The following IL7 variants were observed in gnomAD, a reference collection of about 807,000 sequenced individuals.
IL7 encodes interleukin 7, also known as interleukin-7.
In IL7, 3 loss-of-function variants were observed where a neutral mutation model predicts 21.6. The ratio of observed to expected loss-of-function variants is 0.14; its 90% CI spans 0.06 to 0.36. The LOEUF (loss-of-function observed/expected upper bound fraction) is 0.36. Ranked by LOEUF, IL7 falls within the 10% of genes least tolerant of loss-of-function variation. The pLI is 1.00. For missense variants in IL7, 175 were observed against 200.2 expected (o/e 0.87, Z 0.76); for synonymous variants, 62 against 68.1 (o/e 0.91, Z 0.44).
At chr8:78,687,564 T>C (rs977220109) in intron 3 of IL7, among the ~76,000 whole-genome samples, 5 of 142,948 alleles carry the variant, frequency 3.5e-5, no homozygotes, top group African/African-American at 1.3e-4. Flanking sequence ...ATTTACATAA[T>C]AAATTATATA....
downstream of IL7, among the ~76,000 whole-genome samples, chr8:78,731,352 T>C (rs1222971262): frequency 6.6e-6 from 1 of 152,002 alleles, no homozygotes; most frequent in African/African-American, 2.4e-5. Flanking sequence ...TCGTGTTAGG[T>C]TAGGGATTTT....
intron 1 of IL7, among the ~76,000 whole-genome samples, chr8:78,802,547 C>T (rs1814105265): frequency 6.6e-6 from 1 of 151,930 alleles, no homozygotes; most frequent in Non-Finnish European, 1.5e-5. Context: ...TCTCCTCCCT[C>T]AGCCTCCTGA....
chr8:78,722,027 G>T (rs987535467), intron 3 of IL7, among the ~76,000 whole-genome samples: 8 of 151,816 alleles, frequency 5.3e-5, no homozygotes, highest in African/African-American at 1.7e-4. Flanking sequence ...ACATAAAAAA[G>T]TGCAAAGACA....
chr8:78,697,498 C>T, intron 3 of IL7: 1 of 1,606,884 alleles, frequency 6.2e-7, no homozygotes, highest in African/African-American at 1.3e-5. Flanking sequence ...GCTGGCAAAA[C>T]TGTTGTAGGT....
chr8:78,714,363 T>C (rs1811034837), downstream of IL7, among the ~76,000 whole-genome samples: 1 of 152,198 alleles, frequency 6.6e-6, no homozygotes, highest in East Asian at 1.9e-4. Context: ...GAGTAAGCAC[T>C]ATTATATAAA....
chr8:78,757,449 C>G (rs1417065375), intron 2 of IL7, among the ~76,000 whole-genome samples: 1 of 151,978 alleles, frequency 6.6e-6, no homozygotes, highest in African/African-American at 2.4e-5. Context: ...TGTTGATTTT[C>G]TCTCTAGATG....
intron 2 of IL7, among the ~76,000 whole-genome samples, chr8:78,767,067 A>C (rs1210793263): frequency 6.6e-6 from 1 of 152,118 alleles, no homozygotes; most frequent in African/African-American, 2.4e-5. Flanking sequence ...AACAATTTGC[A>C]TCTTCTTTTC....
At chr8:78,762,268 T>C (rs1381218752) in intron 2 of IL7, 1 of 1,579,838 alleles carries the variant, frequency 6.3e-7, no homozygotes, top group Non-Finnish European at 8.7e-7. Context: ...ATCGATAATG[T>C]TTATTTAGCT....
intron 3 of IL7, among the ~76,000 whole-genome samples, chr8:78,694,000 C>T (rs1399462085): frequency 6.6e-6 from 1 of 152,184 alleles, no homozygotes. Flanking sequence ...ATCCTTTCCA[C>T]ATTTCTTGTT....
intron 3 of IL7, among the ~76,000 whole-genome samples, chr8:78,706,390 C>T (rs1810771708): frequency 6.6e-6 from 1 of 152,104 alleles, no homozygotes; most frequent in Non-Finnish European, 1.5e-5. Flanking sequence ...TTTGCCTGTG[C>T]CGGAGCAGCT....
intron 3 of IL7, 103 bp downstream of exon 3, chr8:78,739,899 G>A (rs11777205): frequency 0.062 from 62,834 of 1,012,502 alleles, 2,304 homozygotes; most frequent in Middle Eastern, 0.068. Context: ...TGATCAGGCT[G>A]CAAATATTAA....
intron 2 of IL7, among the ~76,000 whole-genome samples, chr8:78,769,985 T>C (rs1041869195): frequency 1.3e-5 from 2 of 152,088 alleles, no homozygotes; most frequent in Non-Finnish European, 2.9e-5. Context: ...TAGCCATATG[T>C]AGAAAGCTGA....
intron 3 of IL7, among the ~76,000 whole-genome samples, chr8:78,687,447 A>G (rs535744022): frequency 1.4e-5 from 2 of 146,686 alleles, no homozygotes; most frequent in South Asian, 4.2e-4. Flanking sequence ...TAAGCCATAG[A>G]CTATATATAC....
chr8:78,679,589 A>G (rs1054560334), intron 4 of IL7, among the ~76,000 whole-genome samples: 17 of 152,172 alleles, frequency 1.1e-4, no homozygotes, highest in African/African-American at 3.9e-4. Flanking sequence ...AGTAAGGGCC[A>G]ACTGTGTATT....
At chr8:78,760,551 C>A in intron 2 of IL7, 1 of 1,544,706 alleles carries the variant, frequency 6.5e-7, no homozygotes, top group Non-Finnish European at 8.7e-7. Flanking sequence ...CTATACATGT[C>A]AGCATGGTGT....
intron 1 of IL7, among the ~76,000 whole-genome samples, chr8:78,800,683 A>G (rs1814024199): frequency 6.6e-6 from 1 of 152,180 alleles, no homozygotes; most frequent in African/African-American, 2.4e-5. Context: ...TGACCTTGTA[A>G]TCAGATTTGT....
chr8:78,694,637 T>C (rs1586007696), intron 3 of IL7, among the ~76,000 whole-genome samples: 1 of 152,318 alleles, frequency 6.6e-6, no homozygotes, highest in East Asian at 1.9e-4. Flanking sequence ...TATTCTTTCC[T>C]GAGCATTTTT....
At chr8:78,675,985 C>T (rs1809566831) in exon 5 of IL7, 3 of 746,992 alleles carry the variant, frequency 4.0e-6, no homozygotes, top group Non-Finnish European at 6.4e-6. Flanking sequence ...GGGTACTATT[C>T]TTTGTTCAAG....
chr8:78,748,462 C>T (rs1392228877), intron 2 of IL7, among the ~76,000 whole-genome samples: 1 of 152,182 alleles, frequency 6.6e-6, no homozygotes, highest in Non-Finnish European at 1.5e-5. Context: ...AAGGATCATT[C>T]TTGAGTTGTC....
Sources: allele counts gnomAD v4.1 joint callset (sites outside exome capture counted in the v4.1 genomes callset), GRCh38; gene constraint gnomAD v4.1.1; transcripts MANE v1.5; gene names NCBI Gene and HGNC (gene_info 2026-07-23, HGNC 2026-07-21).